The following ATP10B variants were observed in gnomAD, a reference collection of about 807,000 sequenced individuals.
ATP10B encodes phospholipid-transporting ATPase VB.
ATP10B carries 122 observed loss-of-function variants against 141.2 expected under a neutral mutation model. The ratio of observed to expected loss-of-function variants is 0.86; its 90% CI spans 0.75 to 1.00. The LOEUF is 1.00. Among genes scored for constraint, ATP10B ranks in the 50% least tolerant of loss-of-function variants. The probability of loss-of-function intolerance (pLI) is 0.00; values close to 1 mark genes in which losing one functional copy is unlikely to be tolerated. For missense variants in ATP10B, 1,876 were observed against 1,825.3 expected (o/e 1.03, Z -0.51); for synonymous variants, 685 against 692.0 (o/e 0.99, Z 0.16).
intron 18 of ATP10B, among the ~76,000 whole-genome samples, chr5:160,607,904 T>A (rs1757485760): frequency 2.0e-5 from 3 of 152,184 alleles, no homozygotes; most frequent in Admixed American, 2.0e-4. Context: ...TTTAATAAAA[T>A]CATGGCAGAA....
chr5:160,766,095 A>G (rs925887932), intron 2 of ATP10B, among the ~76,000 whole-genome samples: 16 of 152,302 alleles, frequency 1.1e-4, no homozygotes, highest in African/African-American at 3.8e-4. Context: ...ACACTTTTAC[A>G]CTGCTGGTGA....
chr5:160,832,719 C>T (rs10035243), intron 1 of ATP10B, among the ~76,000 whole-genome samples: 2,283 of 152,108 alleles, frequency 0.015, 48 homozygotes, highest in African/African-American at 0.051. Context: ...ATCTTCCTGA[C>T]GACACAAAAA....
chr5:160,568,901 G>A (rs1754710685), intron 25 of ATP10B, among the ~76,000 whole-genome samples: 1 of 152,164 alleles, frequency 6.6e-6, no homozygotes, highest in Non-Finnish European at 1.5e-5. Flanking sequence ...CCCTGGGCAT[G>A]GATTATTTGT....
At chr5:160,695,720 A>G (rs1174406096) in intron 3 of ATP10B, among the ~76,000 whole-genome samples, 1 of 152,194 alleles carries the variant, frequency 6.6e-6, no homozygotes, top group Non-Finnish European at 1.5e-5. Context: ...GGTTAGGACT[A>G]TGGGAGAAAA....
chr5:160,849,669 G>T (rs1462904451), intron 1 of ATP10B, among the ~76,000 whole-genome samples: 2 of 140,950 alleles, frequency 1.4e-5, no homozygotes, highest in African/African-American at 5.1e-5. Flanking sequence ...TTTGACAGGC[G>T]CAGTAACTTG....
rs114344353 is a variant in ATP10B at position 160,800,543 on chromosome 5, A to G, written c.-575-14740T>C. The stretch of plus-strand genomic sequence containing the variant: ...ATTAACGTTAGCCATTGTTAGGGTT[A>G]TAATCTGGAGTTCTAACTACAGTGT... On this transcript the variant is annotated intron_variant, in intron 1 of 25. Coordinates refer to ENST00000327245, the MANE Select transcript of ATP10B (RefSeq NM_025153.3). 7.9e-3 allele frequency among the ~76,000 whole-genome samples: 1,204 copies of G among 152,336 alleles called. 14 individuals are homozygous for G. Among genetic ancestry groups the G allele is most frequent in the African/African-American group, 0.028 (1,150 of 41,576 alleles).
chr5:160,880,941 G>C, the ATP10B span, among the ~76,000 whole-genome samples: 1 of 152,138 alleles, frequency 6.6e-6, no homozygotes. Flanking sequence ...TGATAAGCTA[G>C]ACTTTATTAA....
chr5:160,856,717 C>T (rs1754009060), upstream of ATP10B, among the ~76,000 whole-genome samples: 1 of 151,602 alleles, frequency 6.6e-6, no homozygotes, highest in Non-Finnish European at 1.5e-5. Flanking sequence ...TGAGGGAGTT[C>T]TCTTGTATTT....
At chr5:160,696,950 A>G (rs1764398244) in intron 3 of ATP10B, among the ~76,000 whole-genome samples, 1 of 152,156 alleles carries the variant, frequency 6.6e-6, no homozygotes. Flanking sequence ...TTTTACCGAA[A>G]CCCATTTACA....
chr5:160,685,618 C>T (rs1763703284), intron 6 of ATP10B, among the ~76,000 whole-genome samples: 2 of 152,316 alleles, frequency 1.3e-5, no homozygotes, highest in South Asian at 4.1e-4. Flanking sequence ...CTGACATCCT[C>T]CAAAGAGTTT....
chr5:160,763,565 G>A (rs764380057), intron 2 of ATP10B, among the ~76,000 whole-genome samples: 1 of 152,084 alleles, frequency 6.6e-6, no homozygotes, highest in Admixed American at 6.6e-5. Context: ...CAAAAGCAGT[G>A]CTAAAAGGAA....
At chr5:160,595,366 A>G (rs1354321368) in intron 22 of ATP10B, among the ~76,000 whole-genome samples, 9 of 152,136 alleles carry the variant, frequency 5.9e-5, no homozygotes, top group African/African-American at 1.2e-4. Context: ...ACAACATACC[A>G]GAATCTCTGG....
In ATP10B at chr5:160,606,757, A is replaced by G. The variant is rs1392677937; in HGVS notation, c.3160+8T>C. 1 of 1,609,612 alleles carries G rather than the reference A, an allele frequency of 6.2e-7. No homozygotes were observed. Among genetic ancestry groups the G allele is most frequent in the East Asian group, 2.2e-5 (1 of 44,804 alleles). ...AAAGTGCCACCCGCATCTCAGTATG[A>G]TGGGTACCTATGGAAAGGGTCATGA... On this transcript the variant is annotated splice_region_variant and intron_variant, in intron 19 of 25. Transcript: ENST00000327245.
At chr5:160,820,083 A>G (rs1773983252) in intron 1 of ATP10B, among the ~76,000 whole-genome samples, 1 of 151,980 alleles carries the variant, frequency 6.6e-6, no homozygotes, top group Non-Finnish European at 1.5e-5. Context: ...AATCAACAAA[A>G]CAAAAAGTTG....
chr5:160,622,916 T>G (rs1758431614), intron 13 of ATP10B, among the ~76,000 whole-genome samples: 1 of 151,932 alleles, frequency 6.6e-6, no homozygotes, highest in African/African-American at 2.4e-5. Flanking sequence ...CCTCTCACCT[T>G]TTTTTTTCTA....
rs759026018 is a variant in ATP10B, at chr5:160,632,323, C to T, written c.1426G>A (p.Glu476Lys). 1 of 1,614,228 alleles carries T rather than the reference C, an allele frequency of 6.2e-7. No individual in the cohort carries two copies. Among genetic ancestry groups the T allele is most frequent in the South Asian group, 1.1e-5 (1 of 91,088 alleles). The change falls in exon 13 of 26, where the codon GAG becomes AAG. Residue 476 changes from glutamate to lysine, a missense_variant. Transcript: ENST00000327245. ...GACAGGCATTGGTATTGGGTCCACTCTTCACCATCTGAGTCCAGCTCCTTT... is the reference window on the plus strand; with the variant it reads ...GACAGGCATTGGTATTGGGTCCACTTTTCACCATCTGAGTCCAGCTCCTTT... Reference protein sequence around the residue: ...TPKELDSDGEEWTQYQCLSFS... With the variant: ...TPKELDSDGEKWTQYQCLSFS...
intron 1 of ATP10B, among the ~76,000 whole-genome samples, chr5:160,829,598 C>A (rs567500244): frequency 1.3e-5 from 2 of 151,968 alleles, no homozygotes; most frequent in Admixed American, 6.6e-5. Flanking sequence ...TCCATGAGTA[C>A]GTAACATTTT....
the ATP10B span, among the ~76,000 whole-genome samples, chr5:160,887,243 T>A: frequency 1.3e-5 from 2 of 152,242 alleles, no homozygotes; most frequent in Admixed American, 6.5e-5. Flanking sequence ...TATTTGTGTA[T>A]AACCAATGTA....
chr5:160,719,327 G>A (rs977445044), intron 2 of ATP10B, among the ~76,000 whole-genome samples: 3 of 152,230 alleles, frequency 2.0e-5, no homozygotes, highest in African/African-American at 4.8e-5. Context: ...GTGAACCCGG[G>A]AGGCAGAGCT....
Sources: gnomAD v4.1 joint callset for allele counts (sites outside exome capture counted in the v4.1 genomes callset) on GRCh38, gnomAD v4.1.1 for gene constraint, MANE v1.5 for transcripts, NCBI Gene and HGNC (gene_info 2026-07-23, HGNC 2026-07-21) for gene names.